Variants in SLC25A22 observed in about 807,000 individuals in gnomAD.
SLC25A22 encodes mitochondrial glutamate carrier 1.
Under a neutral mutation model 33.7 loss-of-function variants are expected in SLC25A22, and 23 were observed. The ratio of observed to expected loss-of-function variants is 0.68; its 90% CI spans 0.49 to 0.97. SLC25A22 has a LOEUF of 0.97. Ranked by LOEUF, SLC25A22 falls within the 50% of genes least tolerant of loss-of-function variation. SLC25A22 has a pLI of 0.00. For missense variants in SLC25A22, 390 were observed against 451.1 expected (o/e 0.86, Z 1.23); for synonymous variants, 245 against 203.8 (o/e 1.20, Z -1.72).
chr11:793,715 C>T (rs1395729065), intron 4 of SLC25A22, 96 bp from the exon 5 acceptor site: 3 of 837,602 alleles, frequency 3.6e-6, no homozygotes, highest in Non-Finnish European at 6.0e-6. Flanking sequence ...AAACCCTGTC[C>T]CAGTCACTCC....
chr11:796,677 G>A (rs992470908), intron 1 of SLC25A22, among the ~76,000 whole-genome samples: 1 of 152,208 alleles, frequency 6.6e-6, no homozygotes, highest in Non-Finnish European at 1.5e-5. Context: ...AGGGGCAGAT[G>A]CATGTCAGGG....
chr11:793,651 G>A (rs1056888725), intron 4 of SLC25A22, 32 bp from the exon 5 acceptor site: 1 of 1,521,596 alleles, frequency 6.6e-7, no homozygotes, highest in Non-Finnish European at 9.0e-7. Flanking sequence ...GGGGGGACAT[G>A]CTCGGTGGCC....
At chr11:797,047 C>T (rs996942018) in intron 1 of SLC25A22, among the ~76,000 whole-genome samples, 3 of 152,136 alleles carry the variant, frequency 2.0e-5, no homozygotes, top group Non-Finnish European at 4.4e-5. Flanking sequence ...TGTACCCTGG[C>T]CCTCCAGGGA....
chr11:793,739 T>G, intron 4 of SLC25A22, 120 bp from the exon 5 acceptor site: 1 of 726,498 alleles, frequency 1.4e-6, no homozygotes, highest in East Asian at 2.6e-5. Flanking sequence ...CCACCATCTG[T>G]TCTCTCACCC....
chr11:792,748 G>T, intron 6 of SLC25A22, 21 bp from the exon 7 acceptor site: 1 of 1,545,080 alleles, frequency 6.5e-7, no homozygotes, highest in African/African-American at 1.4e-5. Flanking sequence ...AGAGGCTGCT[G>T]TCTCCTCTTC....
In SLC25A22 at chr11:795,136, G is replaced by A. The variant is rs886048700; in HGVS notation, c.-130C>T. ...GTTGGGTGGTGCTCCACCTTCAGGG[G>A]AATTTCCAGGCGTCAGCAACCGCCA... On this transcript the variant is annotated 5_prime_UTR_variant, in exon 2 of 10. Transcript: ENST00000628067. The A allele has an allele frequency of 1.7e-6, 2 of 1,163,958 alleles. No individual in the cohort carries two copies. The highest frequency in any genetic ancestry group is 2.0e-5 in the Admixed American group (1 of 50,538). 72.1% of individuals were successfully genotyped at this position (1,163,958 alleles called of 1,614,324 possible).
chr11:793,185 A>AG (rs1346067989), intron 5 of SLC25A22, among the ~76,000 whole-genome samples, 197 bp from the exon 6 acceptor site: 1 of 152,186 alleles, frequency 6.6e-6, no homozygotes, highest in African/African-American at 2.4e-5. Flanking sequence ...CCCCACAGGC[A>AG]GGGGCCTGGG....
chr11:793,591 G>C lies in SLC25A22; in HGVS notation c.231C>G (p.Thr77=), dbSNP rs1466168732. The C allele has an allele frequency of 6.2e-7, 1 of 1,611,100 alleles. No homozygotes were observed. Among genetic ancestry groups the C allele is most frequent in the African/African-American group, 1.3e-5 (1 of 74,908 alleles). ...CTGCCAGCTTGATGGCCTTCTCGGG[G>C]GTGACGAGGGTCAAGTTCACAGCAG... is the stretch of plus-strand genomic sequence containing the variant. ...RGAAVNLTLV[T]PEKAIKLAAN... The change falls in exon 5 of 10, where the codon ACC becomes ACG. Residue 77 remains threonine (T), a synonymous_variant. Transcript: ENST00000628067.
Position 790,578 on chromosome 11 carries a change from A to T in SLC25A22, c.*1337T>A, listed in dbSNP as rs902092008. 1 of 152,282 alleles carries T rather than the reference A, an allele frequency of 6.6e-6. No homozygotes were observed. The highest frequency in any genetic ancestry group is 1.5e-5 in the Non-Finnish European group (1 of 68,062). The allele number at this position is 152,282 out of a possible 1,614,324, so 9.4% of individuals were successfully genotyped here. A position where few individuals can be genotyped will look rare whatever the true frequency, so the allele number is the denominator to read the frequency against. On this transcript the variant is annotated 3_prime_UTR_variant, in exon 10 of 10. Coordinates refer to ENST00000628067, the MANE Select transcript of SLC25A22 (RefSeq NM_001191061.2). ...AAAATATAATTCTGTAAGCAGCAGC[A>T]GCAGCTTCCAAGGTTCTGATGTGAC...
chr11:795,367 T>TC lies in SLC25A22; in HGVS notation c.-163-199dup, dbSNP rs1361777569. On this transcript the variant is annotated intron_variant, in intron 1 of 9. Coordinates refer to ENST00000628067, the MANE Select transcript of SLC25A22 (RefSeq NM_001191061.2). ...CTGGGACCACCTGGCTTCCTTTCAG[T>TC]CCCCCCCTCCCCACCGCCAGCGTCT... 3.0e-4 allele frequency: 48 copies of TC among 161,018 alleles called. 1 individual carries two copies. Among genetic ancestry groups the TC allele is most frequent in the Admixed American group, 4.2e-4 (4 of 9,496 alleles). The allele number at this position is 161,018 out of a possible 1,614,324, so 10.0% of individuals were successfully genotyped here. A position where few individuals can be genotyped will look rare whatever the true frequency, so the allele number is the denominator to read the frequency against.
chr11:795,488 C>T, intron 1 of SLC25A22: 1 of 334,320 alleles, frequency 3.0e-6, no homozygotes, highest in South Asian at 2.4e-5. Flanking sequence ...GGGGCAGTGC[C>T]AGGGGCCGGG....
Position 792,703 on chromosome 11 carries a change from G to T in SLC25A22, c.437C>A (p.Ala146Asp). Residue 146 changes from alanine (A) to aspartate (D), a missense_variant, in exon 7 of 10, where the codon GCC becomes GAC. By Grantham distance (126) the Ala-to-Asp change is moderately radical (BLOSUM62 -2). Transcript: ENST00000628067. ...CCCCTGGGCCGAGAGCTGGCCCTGG[G>T]CAGCCAGGATCTTCCTCTGGGCGGC... ...RIAAQRKILA[A>D]QGQLSAQGGA... 1 of 1,550,982 alleles carries T rather than the reference G, an allele frequency of 6.4e-7. No individual in the cohort carries two copies. Among genetic ancestry groups the T allele is most frequent in the East Asian group, 2.4e-5 (1 of 41,808 alleles).
Position 793,083 on chromosome 11 carries a change from G to A in SLC25A22, c.294-95C>T, listed in dbSNP as rs182220802. On this transcript the variant is annotated intron_variant, in intron 5 of 9. Coordinates refer to ENST00000628067, the MANE Select transcript of SLC25A22 (RefSeq NM_001191061.2). Reference sequence around the variant, plus strand: ...CATGCCTGGGCGCAGAGGATGGTGGGAGCCGTGGAGGCAGATGCAGGCCTG... The same window carrying A: ...CATGCCTGGGCGCAGAGGATGGTGGAAGCCGTGGAGGCAGATGCAGGCCTG... 4.0e-4 allele frequency: 479 copies of A among 1,204,930 alleles called. 1 individual carries two copies. Among genetic ancestry groups the A allele is most frequent in the Non-Finnish European group, 5.4e-4 (451 of 836,750 alleles). The allele number at this position is 1,204,930 out of a possible 1,614,324, so 74.6% of individuals were successfully genotyped here. A position where few individuals can be genotyped will look rare whatever the true frequency, so the allele number is the denominator to read the frequency against.
Position 794,888 on chromosome 11 carries a change from G to A in SLC25A22, c.34C>T (p.Leu12Phe). Residue 12 changes from leucine (L) to phenylalanine (F), a missense_variant, in exon 3 of 10, where the codon CTC becomes TTC. Leu to Phe is a conservative substitution (Grantham distance 22). Coordinates refer to ENST00000628067, the MANE Select transcript of SLC25A22 (RefSeq NM_001191061.2). ...ADKQISLPAK[L>F]INGGIAGLIG... ...AGCCCGGCGATGCCGCCATTGATGA[G>A]CTTGGCTGGCAGGCTGTGTGGACAG... The A allele has an allele frequency of 6.4e-7, 1 of 1,565,958 alleles. No individual in the cohort carries two copies. Among genetic ancestry groups the A allele is most frequent in the Non-Finnish European group, 8.7e-7 (1 of 1,155,166 alleles).
chr11:795,386 A>G (rs1318051509), intron 1 of SLC25A22: 2 of 325,012 alleles, frequency 6.2e-6, no homozygotes, highest in African/African-American at 3.5e-5. Flanking sequence ...CCCCACCGCC[A>G]GCGTCTTCCC....
In SLC25A22 at chr11:795,158, G is replaced by A. The variant is rs886225823; in HGVS notation, c.-152C>T. On this transcript the variant is annotated 5_prime_UTR_variant, in exon 2 of 10. Coordinates refer to ENST00000628067, the MANE Select transcript of SLC25A22 (RefSeq NM_001191061.2). The stretch of plus-strand genomic sequence containing the variant: ...GGGGAATTTCCAGGCGTCAGCAACC[G>A]CCACTTCTGTCCTAGAAGGATGAGG... The A allele has an allele frequency of 6.6e-6, 6 of 906,966 alleles. No individual in the cohort carries two copies. Among genetic ancestry groups the A allele is most frequent in the South Asian group, 1.4e-5 (1 of 70,716 alleles). The allele number at this position is 906,966 out of a possible 1,614,324, so 56.2% of individuals were successfully genotyped here. A position where few individuals can be genotyped will look rare whatever the true frequency, so the allele number is the denominator to read the frequency against.
intron 6 of SLC25A22, 58 bp from the exon 7 acceptor site, chr11:792,785 C>T (rs1253705374): frequency 6.5e-7 from 1 of 1,549,414 alleles, no homozygotes; most frequent in African/African-American, 1.4e-5. Context: ...GGGACACGCT[C>T]TGGCCCTCCC....
At chr11:793,477 C>T (rs1864640338) in intron 5 of SLC25A22, 52 bp downstream of exon 5, 2 of 1,573,470 alleles carry the variant, frequency 1.3e-6, no homozygotes, top group Non-Finnish European at 8.7e-7. Flanking sequence ...GTGGACCCAT[C>T]CTTTATCTGA....
At chr11:794,327 A>G in intron 4 of SLC25A22, 131 bp downstream of exon 4, 1 of 1,075,564 alleles carries the variant, frequency 9.3e-7, no homozygotes, top group African/African-American at 1.6e-5. Flanking sequence ...CACAGCCCCC[A>G]CAAACACGTC....
Sources: gnomAD v4.1 joint callset for allele counts (sites outside exome capture counted in the v4.1 genomes callset) on GRCh38, gnomAD v4.1.1 for gene constraint, MANE v1.5 for transcripts, NCBI Gene and HGNC (gene_info 2026-07-23, HGNC 2026-07-21) for gene names.